Variants in IBTK observed in about 807,000 individuals in gnomAD.
IBTK encodes BTK-binding protein.
IBTK carries 83 observed loss-of-function variants against 154.9 expected under a neutral mutation model. That is an observed-to-expected ratio of 0.54 (90% CI 0.45 to 0.64). The LOEUF is 0.64. IBTK is among the 30% of genes least tolerant of loss of function. The pLI, the probability that IBTK is intolerant of heterozygous loss-of-function variation, is 0.00. For synonymous variants in IBTK, 515 were observed against 536.1 expected (o/e 0.96, Z 0.54); for missense variants, 1,332 against 1,584.6 (o/e 0.84, Z 2.71).
At chr6:82,229,898 A>G (rs1770444209) in intron 4 of IBTK, among the ~76,000 whole-genome samples, 1 of 152,076 alleles carries the variant, frequency 6.6e-6, no homozygotes, top group African/African-American at 2.4e-5. Context: ...TATTCTCTAG[A>G]GTTTAAGGAT....
At chr6:82,194,726 T>G in intron 22 of IBTK, 84 bp from the exon 23 acceptor site, 6 of 843,172 alleles carry the variant, frequency 7.1e-6, no homozygotes, top group Non-Finnish European at 9.9e-6. Flanking sequence ...AAATATTAGT[T>G]ACATTATAAT....
intron 21 of IBTK, among the ~76,000 whole-genome samples, chr6:82,198,109 G>A (rs1769068172): frequency 6.6e-6 from 1 of 151,972 alleles, no homozygotes; most frequent in African/African-American, 2.4e-5. Flanking sequence ...TTAAAGTAAG[G>A]GACATAAATT....
rs1304149866 is a variant in IBTK at position 82,241,095 on chromosome 6, T to A, written c.-357-252A>T. On this transcript the variant is annotated intron_variant, in intron 1 of 28. Coordinates refer to ENST00000306270, the MANE Select transcript of IBTK (RefSeq NM_015525.4). ...GGGTTAATTCCTTTTTTTTCTTAAATCTATCGACCTTTCATATTTATGGTA... is the reference window on the plus strand; with the variant it reads ...GGGTTAATTCCTTTTTTTTCTTAAAACTATCGACCTTTCATATTTATGGTA... 2.0e-5 allele frequency among the ~76,000 whole-genome samples: 3 copies of A among 152,172 alleles called. No homozygotes were observed. In the East Asian group the frequency reaches 5.8e-4, roughly 29 times the overall value.
intron 25 of IBTK, among the ~76,000 whole-genome samples, chr6:82,187,701 AGTAT>A (rs1311334258): frequency 1.3e-5 from 2 of 152,184 alleles, no homozygotes; most frequent in African/African-American, 4.8e-5. Context: ...CTGGAGACAG[AGTAT>A]GTATCAAATC....
At chr6:82,184,538 A>G (rs930207662) in intron 25 of IBTK, among the ~76,000 whole-genome samples, 1 of 152,224 alleles carries the variant, frequency 6.6e-6, no homozygotes, top group African/African-American at 2.4e-5. Context: ...AATCCCATAC[A>G]TACTTAGTGT....
chr6:82,173,732 C>T (rs542490809), intron 26 of IBTK, among the ~76,000 whole-genome samples: 9 of 142,236 alleles, frequency 6.3e-5, no homozygotes, highest in Admixed American at 5.7e-4. Flanking sequence ...AATTAACAGC[C>T]GAATTTTGTA....
intron 8 of IBTK, among the ~76,000 whole-genome samples, chr6:82,221,487 C>G (rs1245575873): frequency 6.6e-6 from 1 of 152,130 alleles, no homozygotes; most frequent in Non-Finnish European, 1.5e-5. Flanking sequence ...TGAAAATCAT[C>G]TGTACTGCTA....
intron 6 of IBTK, among the ~76,000 whole-genome samples, chr6:82,224,746 T>C (rs941917933): frequency 3.9e-5 from 6 of 152,242 alleles, no homozygotes; most frequent in Admixed American, 6.5e-5. Context: ...GCAGATTTAC[T>C]GAAGCAAATA....
At chr6:82,212,260 A>G (rs1197273944) in intron 13 of IBTK, among the ~76,000 whole-genome samples, 4 of 152,198 alleles carry the variant, frequency 2.6e-5, no homozygotes, top group African/African-American at 9.7e-5. Context: ...TGCTGAGATT[A>G]CAGGCGTGAG....
rs777741239 is a variant in IBTK, at chr6:82,173,428, G to A, written c.3736C>T (p.His1246Tyr). The stretch of plus-strand genomic sequence containing the variant: ...TTGCCTTCTGGTCCTGGGGTACCAT[G>A]GGTAGAGCATCTGCAAAACAAATGC... ...QAPKIVRCST[H>Y]GTPGPEGNHI... is the part of the protein sequence containing the mutation. Residue 1246 changes from histidine (H) to tyrosine (Y), a missense_variant, in exon 27 of 29, where the codon CAT becomes TAT. By Grantham distance (83) the His-to-Tyr change is moderately conservative. This residue lies in a region of IBTK where 1,134 missense variants were observed against 1,274.7 expected (regional missense o/e 0.89). Transcript: ENST00000306270. 1.2e-6 allele frequency: 2 copies of A among 1,613,070 alleles called. No homozygotes were observed. The highest frequency in any genetic ancestry group is 1.1e-5 in the South Asian group (1 of 90,990).
intron 16 of IBTK, among the ~76,000 whole-genome samples, chr6:82,209,460 A>G (rs547945570): frequency 6.6e-6 from 1 of 152,358 alleles, no homozygotes; most frequent in Admixed American, 6.5e-5. Flanking sequence ...TAAGTTAAAT[A>G]TAAAAGGTCA....
At chr6:82,220,559 A>G (rs752788178) in intron 9 of IBTK, 31 bp downstream of exon 9, 1 of 1,573,918 alleles carries the variant, frequency 6.4e-7, no homozygotes, top group East Asian at 2.3e-5. Flanking sequence ...ACTGAGAGTA[A>G]GATTACACTT....
intron 26 of IBTK, among the ~76,000 whole-genome samples, chr6:82,177,381 T>TTA (rs908869853): frequency 8.1e-4 from 123 of 151,794 alleles, no homozygotes; most frequent in African/African-American, 2.9e-3. Flanking sequence ...GCTAGCTTAT[T>TTA]TATTTATTTA....
chr6:82,232,676 A>G (rs776899244), intron 3 of IBTK, among the ~76,000 whole-genome samples: 1 of 152,176 alleles, frequency 6.6e-6, no homozygotes. Flanking sequence ...AATCTCAAAG[A>G]GCAAACAAAC....
At chr6:82,200,530 C>T (rs4706938) in intron 20 of IBTK, 57 bp downstream of exon 20, 2 of 1,379,718 alleles carry the variant, frequency 1.4e-6, no homozygotes, top group Admixed American at 2.8e-5. Flanking sequence ...AAGGGACACA[C>T]TGGAGAAAAG....
chr6:82,196,879 G>A (rs1197146158), intron 21 of IBTK, among the ~76,000 whole-genome samples: 9 of 152,296 alleles, frequency 5.9e-5, no homozygotes, highest in Non-Finnish European at 1.5e-5. Flanking sequence ...TTCTATGTGG[G>A]AGGAACCCTG....
At chr6:82,207,853 A>G (rs957994759) in intron 16 of IBTK, among the ~76,000 whole-genome samples, 4 of 152,174 alleles carry the variant, frequency 2.6e-5, no homozygotes, top group Non-Finnish European at 4.4e-5. Flanking sequence ...AACAAATGGT[A>G]CTCAAAAAAT....
chr6:82,173,838 A>G (rs1768019968), intron 26 of IBTK, among the ~76,000 whole-genome samples: 1 of 152,126 alleles, frequency 6.6e-6, no homozygotes, highest in African/African-American at 2.4e-5. Flanking sequence ...TAGTTGAGGA[A>G]ACAACATACA....
chr6:82,205,773 T>TA (rs1769385022), intron 16 of IBTK: 1 of 151,226 alleles, frequency 6.6e-6, no homozygotes, highest in Non-Finnish European at 1.5e-5. Flanking sequence ...CTCAAAAAAA[T>TA]AAAAAATAAA....
Sources: allele counts gnomAD v4.1 joint callset (sites outside exome capture counted in the v4.1 genomes callset), GRCh38; gene constraint gnomAD v4.1.1; regional missense constraint gnomAD v4.1.1; transcripts MANE v1.5; gene names NCBI Gene and HGNC (gene_info 2026-07-23, HGNC 2026-07-21).